The following FRMD4A variants were observed in gnomAD, a reference collection of about 807,000 sequenced individuals.
FRMD4A encodes the protein FERM domain containing 4A.
Under a neutral mutation model 129.1 loss-of-function variants are expected in FRMD4A, and 29 were observed. That is an observed-to-expected ratio of 0.22 (90% CI 0.17 to 0.31). The LOEUF (loss-of-function observed/expected upper bound fraction) is 0.31. Ranked by LOEUF, FRMD4A falls within the 10% of genes least tolerant of loss-of-function variation. The probability of loss-of-function intolerance (pLI) is 1.00; values close to 1 mark genes in which losing one functional copy is unlikely to be tolerated. For synonymous variants in FRMD4A, 634 were observed against 571.6 expected (o/e 1.11, Z -1.56); for missense variants, 1,272 against 1,375.8 (o/e 0.92, Z 1.19).
At chr10:14,076,718 C>T (rs565291947) in intron 2 of FRMD4A, among the ~76,000 whole-genome samples, 67 of 152,230 alleles carry the variant, frequency 4.4e-4, no homozygotes, top group African/African-American at 1.6e-3. Flanking sequence ...CGTGGAAAAA[C>T]ATCCAGGCAT....
chr10:14,172,341 T>C (rs1273791852), intron 2 of FRMD4A, among the ~76,000 whole-genome samples: 2 of 152,146 alleles, frequency 1.3e-5, no homozygotes, highest in African/African-American at 4.8e-5. Flanking sequence ...AATATGATGA[T>C]CAAGGAACAA....
At chr10:13,734,838 T>A (rs527385871) in intron 12 of FRMD4A, among the ~76,000 whole-genome samples, 4 of 141,780 alleles carry the variant, frequency 2.8e-5, no homozygotes, top group African/African-American at 1.0e-4. Flanking sequence ...CTTCTTCTTT[T>A]TCTATTTATT....
chr10:14,290,936 T>A (rs1845832575), intron 2 of FRMD4A, among the ~76,000 whole-genome samples: 1 of 152,090 alleles, frequency 6.6e-6, no homozygotes, highest in African/African-American at 2.4e-5. Context: ...ACTAGTGAAA[T>A]TGATTTTTTA....
At chr10:14,041,107 G>A (rs995329089) in intron 2 of FRMD4A, among the ~76,000 whole-genome samples, 1 of 152,166 alleles carries the variant, frequency 6.6e-6, no homozygotes, top group Non-Finnish European at 1.5e-5. Flanking sequence ...GCAGTACTTT[G>A]AAAAAGTCGT....
At chr10:14,145,128 A>G (rs1055503767) in intron 2 of FRMD4A, among the ~76,000 whole-genome samples, 3 of 152,220 alleles carry the variant, frequency 2.0e-5, no homozygotes, top group African/African-American at 7.2e-5. Flanking sequence ...AAACACAGGC[A>G]GGTGAGGACA....
chr10:13,755,339 C>T (rs2091815066), intron 8 of FRMD4A, among the ~76,000 whole-genome samples: 1 of 152,126 alleles, frequency 6.6e-6, no homozygotes, highest in Admixed American at 6.6e-5. Flanking sequence ...TCACACATGG[C>T]TCTTTATAAA....
chr10:14,001,374 C>T (rs900770507), intron 2 of FRMD4A, among the ~76,000 whole-genome samples: 2 of 152,212 alleles, frequency 1.3e-5, no homozygotes, highest in African/African-American at 2.4e-5. Context: ...AACCATAGCT[C>T]AGTTTCAGGC....
chr10:14,263,408 G>A (rs1044176147), intron 2 of FRMD4A, among the ~76,000 whole-genome samples: 6 of 152,188 alleles, frequency 3.9e-5, no homozygotes, highest in Admixed American at 2.0e-4. Flanking sequence ...CCAAATTTCC[G>A]TCGTCTTCCT....
At chr10:14,242,434 C>T (rs192877486) in intron 2 of FRMD4A, among the ~76,000 whole-genome samples, 12 of 152,222 alleles carry the variant, frequency 7.9e-5, no homozygotes, top group Admixed American at 2.6e-4. Context: ...TCTTACACGT[C>T]GTTGCTAAGG....
intron 2 of FRMD4A, among the ~76,000 whole-genome samples, chr10:14,025,715 C>G (rs866294253): frequency 1.7e-4 from 26 of 152,332 alleles, no homozygotes; most frequent in African/African-American, 5.3e-4. Context: ...GCCTGGCCAT[C>G]ATCATTCTAC....
chr10:14,114,252 G>A (rs200064046), intron 2 of FRMD4A, among the ~76,000 whole-genome samples: 2 of 152,150 alleles, frequency 1.3e-5, no homozygotes, highest in East Asian at 3.9e-4. Flanking sequence ...TTGTGAGTAA[G>A]CTCTGGCCTT....
chr10:14,221,576 AC>A (rs552372809), intron 2 of FRMD4A, among the ~76,000 whole-genome samples: 338 of 152,198 alleles, frequency 2.2e-3, no homozygotes, highest in African/African-American at 7.9e-3. Flanking sequence ...CTATATCTGT[AC>A]TTCTTAATCT....
chr10:14,013,275 C>T (rs570583368), intron 2 of FRMD4A, among the ~76,000 whole-genome samples: 1 of 152,242 alleles, frequency 6.6e-6, no homozygotes, highest in South Asian at 2.1e-4. Flanking sequence ...GTATTAAAAG[C>T]GGGCTCTTTC....
At chr10:13,665,353 C>T (rs1253935201) in intron 18 of FRMD4A, among the ~76,000 whole-genome samples, 2 of 152,090 alleles carry the variant, frequency 1.3e-5, no homozygotes, top group Non-Finnish European at 2.9e-5. Flanking sequence ...ATAGTAACCA[C>T]TATTCTACTT....
intron 5 of FRMD4A, among the ~76,000 whole-genome samples, chr10:13,788,299 G>A (rs1392098959): frequency 6.6e-6 from 1 of 152,164 alleles, no homozygotes; most frequent in Non-Finnish European, 1.5e-5. Context: ...CAGACAACTA[G>A]GGGGCAGCCC....
chr10:13,822,547 G>T (rs1286386275), intron 3 of FRMD4A, among the ~76,000 whole-genome samples: 1 of 152,194 alleles, frequency 6.6e-6, no homozygotes, highest in East Asian at 1.9e-4. Flanking sequence ...ATAAAGGGTG[G>T]CATATGCAGT....
At chr10:13,947,977 G>A (rs921747843) in intron 2 of FRMD4A, among the ~76,000 whole-genome samples, 15 of 151,724 alleles carry the variant, frequency 9.9e-5, no homozygotes, top group African/African-American at 3.6e-4. Context: ...TGGGAAGATC[G>A]CTTGAGGCCA....
At position 14,303,384 on chromosome 10, in the gene FRMD4A, C is replaced by T. The variant is rs545630489; in HGVS notation, c.45+26674G>A. Among the ~76,000 whole-genome samples, 133 of 152,334 alleles carry T rather than the reference C, an allele frequency of 8.7e-4. 1 individual carries two copies. The highest frequency in any genetic ancestry group is 2.9e-3 in the African/African-American group (122 of 41,580). On this transcript the variant is annotated intron_variant, in intron 2 of 24. Coordinates refer to ENST00000357447, the MANE Select transcript of FRMD4A (RefSeq NM_018027.5). Reference sequence around the variant, plus strand: ...CACAAGCTCCCTGGTGATGCCACTGCTGCTAGTCAGTGGGCTGTGGGCGCT... The same window carrying T: ...CACAAGCTCCCTGGTGATGCCACTGTTGCTAGTCAGTGGGCTGTGGGCGCT...
At chr10:13,823,095 TA>T (rs913537167) in intron 3 of FRMD4A, among the ~76,000 whole-genome samples, 2 of 152,240 alleles carry the variant, frequency 1.3e-5, no homozygotes, top group Non-Finnish European at 2.9e-5. Flanking sequence ...TTGGGACTGA[TA>T]CCCATGTGGG....
Sources: allele counts gnomAD v4.1 joint callset (sites outside exome capture counted in the v4.1 genomes callset), GRCh38; gene constraint gnomAD v4.1.1; transcripts MANE v1.5; gene names NCBI Gene and HGNC (gene_info 2026-07-23, HGNC 2026-07-21).